The following DEAF1 variants were observed in gnomAD, a reference collection of about 807,000 sequenced individuals.
DEAF1 encodes the protein deformed epidermal autoregulatory factor 1 homolog.
Under a neutral mutation model 58.9 loss-of-function variants are expected in DEAF1, and 53 were observed. That is an observed-to-expected ratio of 0.90 (90% CI 0.72 to 1.13). The LOEUF is 1.13. Ranked by LOEUF, DEAF1 falls within the 50% of genes most tolerant of loss-of-function variation. The pLI, the probability that DEAF1 is intolerant of heterozygous loss-of-function variation, is 0.00. For missense variants in DEAF1, 685 were observed against 791.4 expected, an observed-to-expected ratio of 0.87 and a Z score of 1.61; for synonymous variants, 385 against 340.4, an observed-to-expected ratio of 1.13 and a Z score of -1.44.
At chr11:687,586 T>A (rs1860649713) in intron 4 of DEAF1, among the ~76,000 whole-genome samples, 1 of 152,180 alleles carries the variant, frequency 6.6e-6, no homozygotes, top group Non-Finnish European at 1.5e-5. Flanking sequence ...GCCTCCTGGG[T>A]TCACGCCATT....
chr11:684,649 T>A (rs1441406604), intron 6 of DEAF1, among the ~76,000 whole-genome samples: 3 of 152,190 alleles, frequency 2.0e-5, no homozygotes, highest in African/African-American at 2.4e-5. Context: ...TTTTCATTAT[T>A]TAAGGTTTCC....
At chr11:657,898 C>A (rs1486256182) in intron 10 of DEAF1, among the ~76,000 whole-genome samples, 1 of 152,128 alleles carries the variant, frequency 6.6e-6, no homozygotes, top group East Asian at 1.9e-4. Context: ...GAGGCTGTCT[C>A]CCACAGGTGG....
At chr11:677,019 CA>C (rs79384867) in intron 9 of DEAF1, among the ~76,000 whole-genome samples, 35,207 of 152,066 alleles carry the variant, frequency 0.23, 6,334 homozygotes, top group African/African-American at 0.51. Flanking sequence ...CACCTTGTAC[CA>C]GGGGCAAGCG....
chr11:669,267 C>T (rs551280404), intron 10 of DEAF1, among the ~76,000 whole-genome samples: 1 of 151,396 alleles, frequency 6.6e-6, no homozygotes, highest in African/African-American at 2.4e-5. Flanking sequence ...AAATCGTAAT[C>T]AATTTAAAAG....
At chr11:683,840 A>T (rs1484250979) in intron 6 of DEAF1, among the ~76,000 whole-genome samples, 1 of 152,124 alleles carries the variant, frequency 6.6e-6, no homozygotes, top group Non-Finnish European at 1.5e-5. Flanking sequence ...AACCCTGTAC[A>T]TGATTTCCTA....
At chr11:687,025 A>G (rs1208846778) in intron 4 of DEAF1, 28 bp from the exon 5 acceptor site, 6 of 1,613,206 alleles carry the variant, frequency 3.7e-6, no homozygotes, top group Non-Finnish European at 5.1e-6. Context: ...AGTCATGATG[A>G]TGGCAGGTGG....
At chr11:683,701 C>G (rs564140668) in intron 6 of DEAF1, among the ~76,000 whole-genome samples, 106 of 152,316 alleles carry the variant, frequency 7.0e-4, no homozygotes, top group Non-Finnish European at 1.1e-3. Flanking sequence ...GTTAAACCTA[C>G]GAATCAACTT....
At chr11:686,536 T>C (rs1860600824) in intron 5 of DEAF1, among the ~76,000 whole-genome samples, 1 of 152,186 alleles carries the variant, frequency 6.6e-6, no homozygotes, top group Non-Finnish European at 1.5e-5. Flanking sequence ...ACAGAAGCGA[T>C]TATCTTAACT....
At chr11:700,637 C>T (rs1861409209) in intron 1 of DEAF1, 1 of 1,614,072 alleles carries the variant, frequency 6.2e-7, no homozygotes, top group Non-Finnish European at 8.5e-7. Flanking sequence ...GCTATCCTCA[C>T]CGCTACCTGG....
At chr11:673,729 C>CGAGG (rs1277626434) in intron 10 of DEAF1, among the ~76,000 whole-genome samples, 1 of 152,134 alleles carries the variant, frequency 6.6e-6, no homozygotes, top group East Asian at 1.9e-4. Context: ...AGCAGACAGG[C>CGAGG]GCCCTCCTCT....
Position 644,634 on chromosome 11 carries a change from G to A in DEAF1, c.1614C>T (p.His538=), listed in dbSNP as rs1858397137. The A allele has an allele frequency of 6.2e-7, 1 of 1,611,986 alleles. No individual in the cohort carries two copies. Among genetic ancestry groups the A allele is most frequent in the Non-Finnish European group, 8.5e-7 (1 of 1,179,696 alleles). Reference sequence around the variant, plus strand: ...TGACAGCTGCTGACTGGCCGCATATGTGCTGGTGATCCTTCCAGTCCTGGA... The same window carrying A: ...TGACAGCTGCTGACTGGCCGCATATATGCTGGTGATCCTTCCAGTCCTGGA... ...CQRKDWKDHQ[H]ICGQSAAVTV... is the part of the protein sequence containing the mutation. Residue 538 remains histidine (H), a synonymous_variant, in exon 12 of 12, where the codon CAC becomes CAT. Coordinates refer to ENST00000382409, the MANE Select transcript of DEAF1 (RefSeq NM_021008.4). The surrounding 1 kb of genome is among the most constrained non-coding windows in gnomAD (Gnocchi z 4.3).
intron 11 of DEAF1, 113 bp downstream of exon 11, chr11:653,849 A>G (rs1858912829): frequency 6.6e-6 from 6 of 906,938 alleles, no homozygotes; most frequent in South Asian, 1.3e-5. Flanking sequence ...AGGGAGGGAC[A>G]GGGAGGGGAG....
intron 10 of DEAF1, among the ~76,000 whole-genome samples, chr11:658,113 G>A (rs930522337): frequency 1.2e-4 from 18 of 152,222 alleles, no homozygotes; most frequent in East Asian, 3.9e-4. Context: ...AAATTATCCC[G>A]AAATACGTTT....
chr11:683,420 T>C (rs1008417493), intron 6 of DEAF1, among the ~76,000 whole-genome samples: 4 of 152,214 alleles, frequency 2.6e-5, no homozygotes, highest in African/African-American at 9.6e-5. Context: ...GGCCATTTGC[T>C]GGAGTCTACT....
At chr11:679,842 G>A (rs776888957) in intron 7 of DEAF1, 26 bp from the exon 8 acceptor site, 29 of 1,611,534 alleles carry the variant, frequency 1.8e-5, no homozygotes, top group Admixed American at 1.2e-4. Context: ...CACATTTCAC[G>A]CGGCCAGGCA....
At chr11:659,661 C>T (rs7940921) in intron 10 of DEAF1, among the ~76,000 whole-genome samples, 2,785 of 152,240 alleles carry the variant, frequency 0.018, 78 homozygotes, top group African/African-American at 0.063. Context: ...GAGTTGGCCT[C>T]GGGGTTCAGA....
intron 11 of DEAF1, among the ~76,000 whole-genome samples, chr11:647,106 C>T (rs140517711): frequency 3.3e-5 from 5 of 152,218 alleles, no homozygotes; most frequent in African/African-American, 9.6e-5. Context: ...TGTAGTGAGC[C>T]GTGATGGCAC....
At chr11:667,538 A>G (rs896740842) in intron 10 of DEAF1, among the ~76,000 whole-genome samples, 2 of 152,314 alleles carry the variant, frequency 1.3e-5, no homozygotes, top group African/African-American at 4.8e-5. Flanking sequence ...CAGGTAGGTC[A>G]TGCCTATAAT....
At chr11:679,666 G>T (rs755377474) in intron 8 of DEAF1, 22 bp downstream of exon 8, 1 of 1,609,516 alleles carries the variant, frequency 6.2e-7, no homozygotes. Context: ...GGACGCGTCA[G>T]GCAGGCACTG....
Sources: allele counts gnomAD v4.1 joint callset (sites outside exome capture counted in the v4.1 genomes callset), GRCh38; gene constraint gnomAD v4.1.1; non-coding constraint Gnocchi (gnomAD v3.1); transcripts MANE v1.5; gene names NCBI Gene and HGNC (gene_info 2026-07-23, HGNC 2026-07-21).